EML2: variants seen among roughly 807,000 people sequenced by gnomAD.
The protein encoded by EML2 is echinoderm microtubule-associated protein-like 2.
In EML2, 59 loss-of-function variants were observed where a neutral mutation model predicts 84.7. That is an observed-to-expected ratio of 0.70 (90% CI 0.56 to 0.86). The LOEUF (loss-of-function observed/expected upper bound fraction) is 0.86. Among genes scored for constraint, EML2 ranks in the 40% least tolerant of loss-of-function variants. The pLI is 0.00. For missense variants in EML2, 818 were observed against 855.6 expected, an observed-to-expected ratio of 0.96 and a Z score of 0.55; for synonymous variants, 352 against 348.9, an observed-to-expected ratio of 1.01 and a Z score of -0.10.
At chr19:45,621,181 G>T in intron 11 of EML2, 26 bp downstream of exon 11, 1 of 1,611,042 alleles carries the variant, frequency 6.2e-7, no homozygotes. Context: ...GGGAAGAGGG[G>T]AGGGGTGCAG....
At chr19:45,630,711 A>G (rs1440235758) in intron 6 of EML2, among the ~76,000 whole-genome samples, 2 of 152,098 alleles carry the variant, frequency 1.3e-5, no homozygotes, top group Admixed American at 6.6e-5. Context: ...GCCCTCAGCT[A>G]TTGTTTCTCT....
Position 45,609,762 on chromosome 19 carries a change from G to C in EML2, c.1851C>G (p.His617Gln). ...PRALSHKYGG[H>Q]SSHVTNVAFL... ...AGGCCACATTTGTCACATGGCTGCT[G>C]TGTCCACCGTACTTGTGGCTGAGGG... The change falls in exon 19 of 19, where the codon CAC becomes CAG. Residue 617 changes from histidine (H) to glutamine (Q), a missense_variant. His to Gln is a conservative substitution (Grantham distance 24). Coordinates refer to ENST00000245925, the MANE Select transcript of EML2 (RefSeq NM_012155.4). The C allele has an allele frequency of 6.2e-7, 1 of 1,612,912 alleles. No individual in the cohort carries two copies. Among genetic ancestry groups the C allele is most frequent in the Non-Finnish European group, 8.5e-7 (1 of 1,179,570 alleles).
chr19:45,629,807 A>G (rs1006158580), intron 7 of EML2, 144 bp downstream of exon 7: 4 of 651,724 alleles, frequency 6.1e-6, no homozygotes, highest in African/African-American at 3.6e-5. Context: ...TGAGGTGGCA[A>G]GCGGCTTGCT....
At position 45,638,859 on chromosome 19, in the gene EML2, A is replaced by G. The variant is rs1412225908; in HGVS notation, c.35T>C (p.Val12Ala). ...TCCCCACTCACCCACACTGAAGATAACTTCTTTGGTTTTGCTGTCAGGAAA... is the reference window on the plus strand; with the variant it reads ...TCCCCACTCACCCACACTGAAGATAGCTTCTTTGGTTTTGCTGTCAGGAAA... ...SSFGAGKTKEVIFSVEDGSVK... is the reference protein window; with the variant it reads ...SSFGAGKTKEAIFSVEDGSVK... The change falls in exon 2 of 19, where the codon GTT becomes GCT. Residue 12 changes from valine to alanine, a missense_variant. Val to Ala is a moderately conservative substitution (Grantham distance 64). Transcript: ENST00000245925. 1 of 1,613,602 alleles carries G rather than the reference A, an allele frequency of 6.2e-7. No homozygotes were observed. Among genetic ancestry groups the G allele is most frequent in the Admixed American group, 1.7e-5 (1 of 59,940 alleles).
upstream of EML2, chr19:45,645,266 GTC>G: frequency 6.5e-7 from 1 of 1,533,238 alleles, no homozygotes; most frequent in Non-Finnish European, 8.7e-7. Context: ...CTGAGGAGGG[GTC>G]TCACCGTTGC....
chr19:45,641,254 C>G (rs1431071252), upstream of EML2: 1 of 194,224 alleles, frequency 5.1e-6, no homozygotes, highest in African/African-American at 2.3e-5. Context: ...TGGCTGCACC[C>G]TTAAATTCCT....
intron 3 of EML2, among the ~76,000 whole-genome samples, chr19:45,637,253 C>A (rs922126538): frequency 6.6e-6 from 1 of 152,138 alleles, no homozygotes; most frequent in African/African-American, 2.4e-5. Flanking sequence ...GGACTCCAAG[C>A]TCAATAGGAT....
rs370643251 is a variant in EML2, at chr19:45,626,888, G to T, written c.607-49C>A. On this transcript the variant is annotated intron_variant, in intron 7 of 18. Transcript: ENST00000245925. Reference sequence around the variant, plus strand: ...GAATGAGGACCTCAAAGTCCCCAAGGCTACTATACCCGCCCCTCACAGGAC... The same window carrying T: ...GAATGAGGACCTCAAAGTCCCCAAGTCTACTATACCCGCCCCTCACAGGAC... 1.2e-4 allele frequency: 186 copies of T among 1,548,002 alleles called. 3 individuals are homozygous for T. The East Asian group carries it at 4.4e-3, about 36-fold the overall frequency.
chr19:45,615,708 G>A, intron 16 of EML2, 94 bp downstream of exon 16: 1 of 1,101,044 alleles, frequency 9.1e-7, no homozygotes, highest in East Asian at 2.4e-5. Flanking sequence ...TACCAAGGGA[G>A]CGAGGCTTGA....
chr19:45,641,184 C>G (rs1268991070), upstream of EML2: 1 of 156,648 alleles, frequency 6.4e-6, no homozygotes, highest in Non-Finnish European at 1.4e-5. Context: ...AATGCCTCCA[C>G]CTGGTCTCAG....
In EML2 at chr19:45,621,218, G is replaced by T. The variant is rs772777827; in HGVS notation, c.1111C>A (p.Leu371Met). 2 of 1,613,790 alleles carry T rather than the reference G, an allele frequency of 1.2e-6. No homozygotes were observed. The highest frequency in any genetic ancestry group is 1.3e-5 in the African/African-American group (1 of 74,914). ...LQGSVHTGFS[L>M]LVQGHVEELW... ...GGAGAGAGGCGCACCTGGACCAGCA[G>T]TGAGAAGCCTGTGTGCACGGAGCCC... Residue 371 changes from leucine to methionine, a missense_variant, in exon 11 of 19, where the codon CTG (leucine) becomes ATG (methionine). By Grantham distance (15) the Leu-to-Met change is conservative. Transcript: ENST00000245925.
At chr19:45,644,618 A>C, upstream of EML2, 4 of 451,618 alleles carry the variant, frequency 8.9e-6, no homozygotes, top group South Asian at 6.2e-5. Flanking sequence ...CTCCCTCCTG[A>C]CCATCCCCCC....
At position 45,624,756 on chromosome 19, in the gene EML2, C is replaced by A; in HGVS notation, c.804G>T (p.Thr268=). ...VTFLEGGDVV[T]GDSGGNLYVW... ...CATAGAGGTTCCCCCCAGAGTCCCC[C>A]GTGACCACGTCGCCACCTTCCAAAA... is the stretch of plus-strand genomic sequence containing the variant. The change falls in exon 9 of 19, where the codon ACG becomes ACT. Residue 268 remains threonine (T), a synonymous_variant. Coordinates refer to ENST00000245925, the MANE Select transcript of EML2 (RefSeq NM_012155.4). 6.2e-7 allele frequency: 1 copy of A among 1,613,940 alleles called. No individual in the cohort carries two copies. Among genetic ancestry groups the A allele is most frequent in the Non-Finnish European group, 8.5e-7 (1 of 1,179,954 alleles).
chr19:45,634,531 G>GT (rs1252763673), intron 3 of EML2, 60 bp from the exon 4 acceptor site: 20 of 1,242,166 alleles, frequency 1.6e-5, no homozygotes, highest in Non-Finnish European at 2.1e-5. Context: ...TGTTTGTTTT[G>GT]TTTTTATTTA....
upstream of EML2, chr19:45,641,397 A>C (rs1227461185): frequency 5.9e-6 from 3 of 508,904 alleles, no homozygotes; most frequent in African/African-American, 5.8e-5. Context: ...CTCACCCAGT[A>C]GACCTGACCG....
upstream of EML2, chr19:45,641,184 C>T (rs1268991070): frequency 6.4e-6 from 1 of 156,648 alleles, no homozygotes; most frequent in Non-Finnish European, 1.4e-5. Flanking sequence ...AATGCCTCCA[C>T]CTGGTCTCAG....
rs1970255569 is a variant in EML2, at chr19:45,609,439, A to G, written c.*224T>C. 4.5e-6 allele frequency: 2 copies of G among 444,126 alleles called. No homozygotes were observed. The highest frequency in any genetic ancestry group is 4.3e-5 in the Admixed American group (1 of 23,366). 27.5% of individuals were successfully genotyped at this position (444,126 alleles called of 1,614,324 possible). ...TTTATTTCTGGATGATATAAAAGAA[A>G]AAACTTAAAAAACACCCCAAACCAA... On this transcript the variant is annotated 3_prime_UTR_variant, in exon 19 of 19. Transcript: ENST00000245925.
At position 45,626,764 on chromosome 19, in the gene EML2, G is replaced by A; in HGVS notation, c.682C>T (p.His228Tyr). 6.2e-7 allele frequency: 1 copy of A among 1,613,898 alleles called. No individual in the cohort carries two copies. The highest frequency in any genetic ancestry group is 8.5e-7 in the Non-Finnish European group (1 of 1,179,956). ...PTVLITCGKS[H>Y]IYFWTLEGGS... Reference sequence around the variant, plus strand: ...CCCTCCAAGGTCCAGAAGTAGATGTGAGATTTCCCGCAGGTGATAAGCACA... The same window carrying A: ...CCCTCCAAGGTCCAGAAGTAGATGTAAGATTTCCCGCAGGTGATAAGCACA... Residue 228 changes from histidine (H) to tyrosine (Y), a missense_variant, in exon 8 of 19, where the codon CAC becomes TAC. His to Tyr is a moderately conservative substitution (Grantham distance 83). Coordinates refer to ENST00000245925, the MANE Select transcript of EML2 (RefSeq NM_012155.4).
At chr19:45,633,355 C>T (rs954055565) in intron 4 of EML2, among the ~76,000 whole-genome samples, 1 of 152,136 alleles carries the variant, frequency 6.6e-6, no homozygotes, top group Non-Finnish European at 1.5e-5. Context: ...GCCAGCAGGA[C>T]GCAGGTCTGT....
Sources: allele counts gnomAD v4.1 joint callset (sites outside exome capture counted in the v4.1 genomes callset), GRCh38; gene constraint gnomAD v4.1.1; transcripts MANE v1.5; gene names NCBI Gene and HGNC (gene_info 2026-07-23, HGNC 2026-07-21).